Variants in UGGT2 observed in about 807,000 individuals in gnomAD.
The protein encoded by UGGT2 is UDP-glucose:glycoprotein glucosyltransferase 2.
A neutral mutation model predicts 192.1 loss-of-function variants in UGGT2; 180 were observed. That is an observed-to-expected ratio of 0.94 (90% CI 0.83 to 1.06). The LOEUF (loss-of-function observed/expected upper bound fraction) is 1.06. UGGT2 is among the 50% of genes least tolerant of loss of function. The pLI is 0.00. For missense variants in UGGT2, 1,849 were observed against 1,795.7 expected, an observed-to-expected ratio of 1.03 and a Z score of -0.54; for synonymous variants, 580 against 591.0, an observed-to-expected ratio of 0.98 and a Z score of 0.27.
rs1322948576 is a variant in UGGT2 at position 95,877,760 on chromosome 13, G to A, written c.3325C>T (p.Gln1109Ter). 20 of 1,613,972 alleles carry A rather than the reference G, an allele frequency of 1.2e-5. No homozygotes were observed. Among genetic ancestry groups the A allele is most frequent in the Non-Finnish European group, 1.5e-5 (18 of 1,179,968 alleles). The change falls in exon 28 of 39, where the codon CAG (glutamine) becomes TAG (stop). Residue 1109 changes from glutamine to a stop codon, truncating the protein, a stop_gained. Coordinates refer to ENST00000376747, the MANE Select transcript of UGGT2 (RefSeq NM_020121.4). LOFTEE classifies it high-confidence loss of function. Reference sequence around the variant, plus strand: ...TTATTTTTTGTGCCTAGTGTGAACTGCAGACCCCGAGGAGGCTGTTCTGTC... The same window carrying A: ...TTATTTTTTGTGCCTAGTGTGAACTACAGACCCCGAGGAGGCTGTTCTGTC... The part of the protein sequence containing the change: ...KVTEQPPRGL[Q>*]FTLGTKNKPA...
chr13:95,902,454 C>T (rs2048130855), intron 21 of UGGT2, among the ~76,000 whole-genome samples: 1 of 152,056 alleles, frequency 6.6e-6, no homozygotes, highest in South Asian at 2.1e-4. Context: ...TCTCCATTGT[C>T]TCATAAACGA....
Position 95,970,042 on chromosome 13 carries a change from G to A in UGGT2, c.1335+70C>T, listed in dbSNP as rs532134001. 1,476 of 1,457,424 alleles carry A rather than the reference G, an allele frequency of 1.0e-3. 1 individual carries two copies. Among genetic ancestry groups the A allele is most frequent in the Non-Finnish European group, 1.3e-3 (1,395 of 1,063,338 alleles). 90.3% of individuals were successfully genotyped at this position (1,457,424 alleles called of 1,614,324 possible). A position where few individuals can be genotyped will look rare whatever the true frequency, so the allele number is the denominator to read the frequency against. On this transcript the variant is annotated intron_variant, in intron 12 of 38. Transcript: ENST00000376747. Reference sequence around the variant, plus strand: ...GCTGACATTTATCATCAGGCCTGCCGATACTTCATTTTATGTTAAGCCTTA... The same window carrying A: ...GCTGACATTTATCATCAGGCCTGCCAATACTTCATTTTATGTTAAGCCTTA...
chr13:95,884,603 A>G lies in UGGT2; in HGVS notation c.3116T>C (p.Phe1039Ser). The G allele has an allele frequency of 1.9e-6, 3 of 1,614,018 alleles. No homozygotes were observed. Among genetic ancestry groups the G allele is most frequent in the Non-Finnish European group, 2.5e-6 (3 of 1,179,922 alleles). The change falls in exon 27 of 39, where the codon TTT becomes TCT. Residue 1039 changes from phenylalanine to serine, a missense_variant. By Grantham distance (155) the Phe-to-Ser change is radical. Transcript: ENST00000376747. ...DVSSLGPVAK[F>S]LDIPESPLLI... is the part of the protein sequence containing the mutation. The stretch of plus-strand genomic sequence containing the variant: ...GAGGGGTGATTCAGGAATATCCAAA[A>G]ATTTTGCCACTGGTCCAAGAGAAGA...
chr13:95,826,502 A>T (rs534465357), intron 38 of UGGT2, among the ~76,000 whole-genome samples: 1 of 152,124 alleles, frequency 6.6e-6, no homozygotes, highest in Non-Finnish European at 1.5e-5. Flanking sequence ...ACTACAACCA[A>T]TATAAAAATT....
At chr13:96,023,510 C>T in intron 3 of UGGT2, 119 bp downstream of exon 3, 1 of 995,200 alleles carries the variant, frequency 1.0e-6, no homozygotes, top group South Asian at 2.8e-5. Context: ...CAATGATAGG[C>T]TATGGAACCA....
intron 38 of UGGT2, among the ~76,000 whole-genome samples, chr13:95,832,048 T>G (rs1453814810): frequency 7.0e-6 from 1 of 143,078 alleles, no homozygotes; most frequent in Non-Finnish European, 1.5e-5. Context: ...AAGGAAAACT[T>G]TTTTTTTTTT....
At chr13:96,013,265 T>C (rs1277875185) in intron 5 of UGGT2, 42 bp downstream of exon 5, 3 of 1,519,168 alleles carry the variant, frequency 2.0e-6, no homozygotes, top group South Asian at 1.3e-5. Flanking sequence ...TAATTGTTTT[T>C]TTCTACAGCC....
At chr13:95,881,746 G>C (rs1409317931) in intron 27 of UGGT2, among the ~76,000 whole-genome samples, 1 of 152,144 alleles carries the variant, frequency 6.6e-6, no homozygotes, top group Admixed American at 6.5e-5. Context: ...ACCTGGAACA[G>C]TGTGAAAATG....
At chr13:95,910,423 A>G (rs994905726) in intron 20 of UGGT2, among the ~76,000 whole-genome samples, 2 of 152,174 alleles carry the variant, frequency 1.3e-5, no homozygotes, top group Non-Finnish European at 2.9e-5. Flanking sequence ...AAGAAAAAAG[A>G]GCAGGGGTTG....
intron 5 of UGGT2, among the ~76,000 whole-genome samples, chr13:96,012,846 T>C (rs1345075380): frequency 6.6e-6 from 1 of 151,854 alleles, no homozygotes; most frequent in Non-Finnish European, 1.5e-5. Context: ...CAGAAAAATG[T>C]GATAGTGTCA....
chr13:96,029,873 T>C (rs2139150209), intron 2 of UGGT2, among the ~76,000 whole-genome samples: 1 of 152,302 alleles, frequency 6.6e-6, no homozygotes, highest in Middle Eastern at 3.4e-3. Flanking sequence ...GAGAACAACA[T>C]ATATGGGACA....
chr13:96,051,782 C>G lies in UGGT2; in HGVS notation c.158+1373G>C, dbSNP rs142189809. Among the ~76,000 whole-genome samples, 772 of 152,182 alleles carry G rather than the reference C, an allele frequency of 5.1e-3. 11 individuals carry two copies. Among genetic ancestry groups the G allele is most frequent in the African/African-American group, 0.018 (741 of 41,532 alleles). On this transcript the variant is annotated intron_variant, in intron 1 of 38. Coordinates refer to ENST00000376747, the MANE Select transcript of UGGT2 (RefSeq NM_020121.4). ...AAATCAAAACCACAATGCGATACCA[C>G]CTTACTCCTGCAAGAATGGCCATAA...
chr13:95,922,499 A>G (rs921037199), intron 20 of UGGT2, among the ~76,000 whole-genome samples: 5 of 152,220 alleles, frequency 3.3e-5, no homozygotes, highest in African/African-American at 7.2e-5. Flanking sequence ...AATTTTCCCT[A>G]TAACTACTTA....
At chr13:95,807,065 C>T (rs1884342373) in intron 38 of UGGT2, among the ~76,000 whole-genome samples, 1 of 152,122 alleles carries the variant, frequency 6.6e-6, no homozygotes, top group Non-Finnish European at 1.5e-5. Context: ...TCTTTAAAAA[C>T]TTTACTAATA....
intron 38 of UGGT2, chr13:95,832,641 C>T (rs1433057343): frequency 4.3e-6 from 2 of 468,240 alleles, no homozygotes; most frequent in Admixed American, 2.6e-5. Context: ...GACAAACACT[C>T]CTTTTACTTT....
intron 12 of UGGT2, among the ~76,000 whole-genome samples, chr13:95,967,751 CA>C (rs2140757864): frequency 6.6e-6 from 1 of 152,278 alleles, no homozygotes; most frequent in South Asian, 2.1e-4. Context: ...GGATTACAGG[CA>C]TGAGACACTG....
At chr13:95,936,776 G>T in intron 17 of UGGT2, 148 bp downstream of exon 17, 1 of 799,004 alleles carries the variant, frequency 1.3e-6, no homozygotes, top group African/African-American at 1.8e-5. Context: ...CGTGGCTTAA[G>T]CTGCTAAAAG....
chr13:96,028,632 A>C (rs1349609713), intron 2 of UGGT2, among the ~76,000 whole-genome samples: 1 of 152,236 alleles, frequency 6.6e-6, no homozygotes, highest in Non-Finnish European at 1.5e-5. Context: ...CTGGCATATA[A>C]TATAAAGTAA....
intron 38 of UGGT2, among the ~76,000 whole-genome samples, chr13:95,822,528 CT>C (rs1283498249): frequency 6.6e-6 from 1 of 151,818 alleles, no homozygotes; most frequent in African/African-American, 2.4e-5. Flanking sequence ...TTGTTATGTC[CT>C]TTATTTCTTT....
Sources: allele counts gnomAD v4.1 joint callset (sites outside exome capture counted in the v4.1 genomes callset), GRCh38; gene constraint gnomAD v4.1.1; transcripts MANE v1.5; gene names NCBI Gene and HGNC (gene_info 2026-07-23, HGNC 2026-07-21).